The following ZNF23 variants were observed in gnomAD, a reference collection of about 807,000 sequenced individuals.
ZNF23 encodes the protein zinc finger protein 23.
Under a neutral mutation model 56.2 loss-of-function variants are expected in ZNF23, and 48 were observed. The ratio of observed to expected loss-of-function variants is 0.85; its 90% CI spans 0.68 to 1.09. The LOEUF (loss-of-function observed/expected upper bound fraction) is 1.09. ZNF23 is among the 50% of genes least tolerant of loss of function. ZNF23 has a pLI of 0.00. For synonymous variants in ZNF23, 266 were observed against 283.3 expected, an observed-to-expected ratio of 0.94 and a Z score of 0.61; for missense variants, 805 against 811.4, an observed-to-expected ratio of 0.99 and a Z score of 0.10.
chr16:71,450,079 T>C, intron 4 of ZNF23, 194 bp from the exon 5 acceptor site: 1 of 458,514 alleles, frequency 2.2e-6, no homozygotes, highest in South Asian at 5.1e-5. Flanking sequence ...TAAATCCATA[T>C]ATGCTGACGT....
chr16:71,460,906 T>C lies in ZNF23; in HGVS notation c.-33+1304A>G, dbSNP rs560300543. ...ACACTGAAAACAACCCACATGTCCA[T>C]TGAAAATACATCGATAAATTTTCAT... On this transcript the variant is annotated intron_variant, in intron 1 of 4. Transcript: ENST00000647773. 8.5e-5 allele frequency among the ~76,000 whole-genome samples: 13 copies of C among 152,282 alleles called. No individual in the cohort carries two copies. In the South Asian group the frequency reaches 1.5e-3, roughly 17 times the overall value.
chr16:71,453,462 G>C, intron 3 of ZNF23, 112 bp from the exon 4 acceptor site: 4 of 778,284 alleles, frequency 5.1e-6, no homozygotes. Context: ...AGAACCCCAG[G>C]AGGTCCCAAG....
At chr16:71,459,022 A>G (rs970495932) in intron 1 of ZNF23, among the ~76,000 whole-genome samples, 1 of 152,216 alleles carries the variant, frequency 6.6e-6, no homozygotes, top group African/African-American at 2.4e-5. Context: ...TTGTTCCTTC[A>G]GCTCTGTAAG....
At position 71,453,230 on chromosome 16, in the gene ZNF23, G is replaced by A. The variant is rs752658531; in HGVS notation, c.268+13C>T. Reference sequence around the variant, plus strand: ...TAAATTCCAACAGAGTGGGAAATATGTACCTCCCTTACCAGTCTGGAGGCC... The same window carrying A: ...TAAATTCCAACAGAGTGGGAAATATATACCTCCCTTACCAGTCTGGAGGCC... On this transcript the variant is annotated intron_variant, in intron 4 of 4. Coordinates refer to ENST00000647773, the MANE Select transcript of ZNF23 (RefSeq NM_001381984.1). 8 of 1,588,556 alleles carry A rather than the reference G, an allele frequency of 5.0e-6. No individual in the cohort carries two copies. In the Admixed American group the frequency reaches 6.9e-5, roughly 14 times the overall value.
rs566563718 is a variant in ZNF23 at position 71,454,163 on chromosome 16, C to G, written c.39G>C (p.Ser13=). ...AMHLTAWPQK[S]VTFEDVAVYF... is the part of the protein sequence containing the mutation. The stretch of plus-strand genomic sequence containing the variant: ...ACACAGCCACGTCCTCAAAGGTCAC[C>G]GACTTCTGAAACAATAGGTTCCTGC... The change falls in exon 3 of 5, where the codon TCG becomes TCC. Residue 13 remains serine, a synonymous_variant. Coordinates refer to ENST00000647773, the MANE Select transcript of ZNF23 (RefSeq NM_001381984.1). The G allele has an allele frequency of 6.2e-7, 1 of 1,612,904 alleles. No individual in the cohort carries two copies. The highest frequency in any genetic ancestry group is 1.1e-5 in the South Asian group (1 of 91,006).
At position 71,453,298 on chromosome 16, in the gene ZNF23, C is replaced by G. The variant is rs1193659659; in HGVS notation, c.213G>C (p.Glu71Asp). Residue 71 changes from glutamate (E) to aspartate (D), a missense_variant, in exon 4 of 5, where the codon GAG (glutamate) becomes GAC (aspartate). Transcript: ENST00000647773. ...AVISQLEGGS[E>D]LGGSSPLAAG... ...CAGCCAGTGGAGATGAGCCCCCCAG[C>G]TCACTTCCTCCCTCCAGTTGTGAGA... 6.2e-7 allele frequency: 1 copy of G among 1,608,486 alleles called. No homozygotes were observed. The highest frequency in any genetic ancestry group is 1.3e-5 in the African/African-American group (1 of 74,820).
intron 1 of ZNF23, among the ~76,000 whole-genome samples, chr16:71,459,034 G>C (rs2043341885): frequency 6.6e-6 from 1 of 152,134 alleles, no homozygotes; most frequent in Non-Finnish European, 1.5e-5. Context: ...CTCTGTAAGG[G>C]GCAGTGTAAG....
At chr16:71,459,554 G>A (rs1343710744) in intron 1 of ZNF23, among the ~76,000 whole-genome samples, 1 of 152,172 alleles carries the variant, frequency 6.6e-6, no homozygotes, top group Non-Finnish European at 1.5e-5. Context: ...GAGGTTGCAT[G>A]ACTTATTCAT....
At chr16:71,461,401 C>T (rs1448831870) in intron 1 of ZNF23, among the ~76,000 whole-genome samples, 2 of 152,038 alleles carry the variant, frequency 1.3e-5, no homozygotes, top group Non-Finnish European at 2.9e-5. Flanking sequence ...AACATAACCA[C>T]ACTTAAGTGG....
chr16:71,455,218 G>C (rs1411485479), intron 2 of ZNF23, among the ~76,000 whole-genome samples: 1 of 152,208 alleles, frequency 6.6e-6, no homozygotes, highest in East Asian at 1.9e-4. Flanking sequence ...ACCCTGGTAA[G>C]TTGGCACTTC....
At chr16:71,450,055 G>A in intron 4 of ZNF23, 170 bp from the exon 5 acceptor site, 1 of 508,794 alleles carries the variant, frequency 2.0e-6, no homozygotes, top group Non-Finnish European at 3.4e-6. Flanking sequence ...TAACTAACTA[G>A]TAAAAGAATA....
At chr16:71,461,643 AGC>A (rs2043461725) in intron 1 of ZNF23, 1 of 152,190 alleles carries the variant, frequency 6.6e-6, no homozygotes, top group South Asian at 2.1e-4. Context: ...AGCCGAGAGA[AGC>A]AGGGCTGAGT....
intron 4 of ZNF23, chr16:71,450,638 G>T (rs529426814): frequency 2.4e-6 from 1 of 424,848 alleles, no homozygotes; most frequent in Non-Finnish European, 4.8e-6. Context: ...AGAATTGCTC[G>T]AACCCGGGAA....
intron 1 of ZNF23, among the ~76,000 whole-genome samples, chr16:71,460,397 T>C (rs958960189): frequency 2.6e-5 from 4 of 152,328 alleles, no homozygotes; most frequent in African/African-American, 9.6e-5. Context: ...TTGATTACTT[T>C]TACCTAATTA....
chr16:71,454,369 TCATGC>T (rs2043153363), intron 2 of ZNF23, among the ~76,000 whole-genome samples: 1 of 152,026 alleles, frequency 6.6e-6, no homozygotes, highest in Non-Finnish European at 1.5e-5. Context: ...CAGGGAAACC[TCATGC>T]CATTTTTCAC....
At chr16:71,453,585 G>A (rs1050856814) in intron 3 of ZNF23, 29 of 510,530 alleles carry the variant, frequency 5.7e-5, no homozygotes, top group Admixed American at 9.8e-5. Flanking sequence ...GCTTGGGAAC[G>A]TGTGGGAGAG....
intron 4 of ZNF23, 50 bp from the exon 5 acceptor site, chr16:71,449,935 A>G (rs766084342): frequency 6.9e-7 from 1 of 1,445,942 alleles, no homozygotes; most frequent in Admixed American, 2.3e-5. Flanking sequence ...ATGTTAGGAA[A>G]AAGAAGAGAA....
intron 3 of ZNF23, 92 bp downstream of exon 3, chr16:71,453,949 AT>A: frequency 7.0e-7 from 1 of 1,437,210 alleles, no homozygotes; most frequent in Non-Finnish European, 9.8e-7. Flanking sequence ...TCAGTAAAGG[AT>A]TACCAGAGAT....
chr16:71,448,614 T>C lies in ZNF23; in HGVS notation c.1540A>G (p.Thr514Ala). The change falls in exon 5 of 5, where the codon ACT becomes GCT. Residue 514 changes from threonine to alanine, a missense_variant. Transcript: ENST00000647773. The part of the protein sequence containing the change: ...GKLMRHQRIH[T>A]GEKPFECNEC... ...TTACATTCAAAAGGTTTCTCCCCAGTGTGAATTCTCTGATGCCGCATTAGT... is the reference window on the plus strand; with the variant it reads ...TTACATTCAAAAGGTTTCTCCCCAGCGTGAATTCTCTGATGCCGCATTAGT... 6.2e-7 allele frequency: 1 copy of C among 1,614,230 alleles called. No individual in the cohort carries two copies. The highest frequency in any genetic ancestry group is 8.5e-7 in the Non-Finnish European group (1 of 1,180,040).
Sources: allele counts gnomAD v4.1 joint callset (sites outside exome capture counted in the v4.1 genomes callset), GRCh38; gene constraint gnomAD v4.1.1; transcripts MANE v1.5; gene names NCBI Gene and HGNC (gene_info 2026-07-23, HGNC 2026-07-21).